GPATCH3: variants seen among roughly 807,000 people sequenced by gnomAD.
GPATCH3 encodes the protein G-patch domain containing 3.
In GPATCH3, 45 loss-of-function variants were observed where a neutral mutation model predicts 53.2. That is an observed-to-expected ratio of 0.85 (90% confidence interval 0.67 to 1.08). The LOEUF is 1.08. GPATCH3 is among the 50% of genes least tolerant of loss of function. GPATCH3 has a pLI of 0.00. For missense variants in GPATCH3, 680 were observed against 687.2 expected, an observed-to-expected ratio of 0.99 and a Z score of 0.12; for synonymous variants, 280 against 270.6, an observed-to-expected ratio of 1.03 and a Z score of -0.34.
chr1:26,893,798 C>T (rs1380154094), intron 3 of GPATCH3, among the ~76,000 whole-genome samples: 1 of 152,058 alleles, frequency 6.6e-6, no homozygotes, highest in Non-Finnish European at 1.5e-5. Flanking sequence ...GGATTACAGG[C>T]GTGAGCCACT....
At chr1:26,896,212 C>T (rs1163316359) in intron 2 of GPATCH3, among the ~76,000 whole-genome samples, 1 of 152,108 alleles carries the variant, frequency 6.6e-6, no homozygotes, top group Non-Finnish European at 1.5e-5. Flanking sequence ...CCAGCTCTAC[C>T]TCTATTTCCT....
chr1:26,900,213 A>C lies in GPATCH3; in HGVS notation c.230T>G (p.Leu77Arg), dbSNP rs781679776. The stretch of plus-strand genomic sequence containing the variant: ...ATCGGTGGCCGAAGTCTGAGAGAGA[A>C]GCTGGCCCTCAGCGGCTGGGTCGGT... ...IPTDPAAEGQLLSQTSATDVR... is the reference protein window; with the variant it reads ...IPTDPAAEGQRLSQTSATDVR... The change falls in exon 1 of 7, where the codon CTT becomes CGT. Residue 77 changes from leucine to arginine, a missense_variant. Transcript: ENST00000361720. 3 of 1,614,036 alleles carry C rather than the reference A, an allele frequency of 1.9e-6. No individual in the cohort carries two copies. The highest frequency in any genetic ancestry group is 2.5e-6 in the Non-Finnish European group (3 of 1,180,042).
chr1:26,896,141 G>A (rs1285982328), intron 2 of GPATCH3, among the ~76,000 whole-genome samples: 1 of 152,152 alleles, frequency 6.6e-6, no homozygotes, highest in African/African-American at 2.4e-5. Context: ...AGAGATGACT[G>A]TTCAGCCACA....
At chr1:26,895,086 C>T (rs1457137098) in intron 2 of GPATCH3, among the ~76,000 whole-genome samples, 1 of 152,188 alleles carries the variant, frequency 6.6e-6, no homozygotes, top group Non-Finnish European at 1.5e-5. Context: ...TCTTTCTCTT[C>T]AGGGAGATTT....
chr1:26,898,587 C>T (rs2081960668), intron 1 of GPATCH3, among the ~76,000 whole-genome samples: 1 of 151,988 alleles, frequency 6.6e-6, no homozygotes. Context: ...TCTCGGCTGT[C>T]ACCAACTCCC....
Position 26,897,733 on chromosome 1 carries a change from AGGAG to A in GPATCH3, c.452-12_452-9del. 3.1e-6 allele frequency: 5 copies of A among 1,594,796 alleles called. 1 individual carries two copies. In the South Asian group the frequency reaches 5.6e-5, roughly 18 times the overall value. ...AGGGAAAGGAGCCCAGACCTTGGAA[AGGAG>A]GGAGAATAGATCTTGAAACCCAGAA... On this transcript the variant is annotated splice_polypyrimidine_tract_variant and intron_variant, in intron 1 of 6. Coordinates refer to ENST00000361720, the MANE Select transcript of GPATCH3 (RefSeq NM_022078.3).
intron 2 of GPATCH3, among the ~76,000 whole-genome samples, chr1:26,895,542 AAG>A: frequency 6.7e-6 from 1 of 150,352 alleles, no homozygotes. Context: ...AAAAAAAAAA[AAG>A]GAAAGGAAGG....
intron 6 of GPATCH3, among the ~76,000 whole-genome samples, chr1:26,892,114 A>T (rs1013174026): frequency 6.6e-6 from 1 of 152,018 alleles, no homozygotes; most frequent in Non-Finnish European, 1.5e-5. Flanking sequence ...AAGTGTTGGG[A>T]TTACAGGCGT....
intron 3 of GPATCH3, 49 bp downstream of exon 3, chr1:26,894,187 A>C (rs769130467): frequency 1.2e-5 from 19 of 1,580,956 alleles, no homozygotes; most frequent in Middle Eastern, 3.4e-4. Context: ...GGAACCCCAA[A>C]AGAATGCAGC....
Position 26,900,121 on chromosome 1 carries a change from CCG to C in GPATCH3, c.320_321del (p.Ser107CysfsTer64), listed in dbSNP as rs2081968804. 6.2e-7 allele frequency: 1 copy of C among 1,614,096 alleles called. No individual in the cohort carries two copies. The highest frequency in any genetic ancestry group is 1.3e-5 in the African/African-American group (1 of 74,934). ...IQTRTCCCVI[S>X]VRGLAQAQRL... ...CTCTGAGCTTGAGCCAACCCCCTTA[CCG>C]AGATGACGCAGCAGCAGGTGCGGGT... On this transcript the variant is annotated frameshift_variant, in exon 1 of 7. Transcript: ENST00000361720. LOFTEE classifies it high-confidence loss of function.
chr1:26,892,570 G>C, intron 5 of GPATCH3, 32 bp from the exon 6 acceptor site: 1 of 1,606,168 alleles, frequency 6.2e-7, no homozygotes, highest in South Asian at 1.1e-5. Context: ...CTCAAGAAAT[G>C]GGGCTCCTGC....
rs142863754 is a variant in GPATCH3 at position 26,892,002 on chromosome 1, C to T, written c.1361+409G>A. On this transcript the variant is annotated intron_variant, in intron 6 of 6. Transcript: ENST00000361720. ...GATTACAGGCATGAGCCACTGCGCC[C>T]GGCTAATTTTTGTATTTTTAGTAGA... Among the ~76,000 whole-genome samples the T allele has an allele frequency of 1.4e-3, 215 of 151,932 alleles. 1 individual carries two copies. Among genetic ancestry groups the T allele is most frequent in the African/African-American group, 4.8e-3 (201 of 41,468 alleles).
chr1:26,890,831 G>A lies in GPATCH3; in HGVS notation c.*179C>T, dbSNP rs1407183948. 3 of 781,258 alleles carry A rather than the reference G, an allele frequency of 3.8e-6. No homozygotes were observed. Among genetic ancestry groups the A allele is most frequent in the Non-Finnish European group, 7.1e-6 (3 of 421,592 alleles). The allele number at this position is 781,258 out of a possible 1,614,324, so 48.4% of individuals were successfully genotyped here. A position where few individuals can be genotyped will look rare whatever the true frequency, so the allele number is the denominator to read the frequency against. On this transcript the variant is annotated 3_prime_UTR_variant, in exon 7 of 7. Transcript: ENST00000361720. ...AATATCCAAGGGGAGGGGACGGGAG[G>A]GGGCTTTTTGTAAAAATGCCCCTGA...
At position 26,894,223 on chromosome 1, in the gene GPATCH3, G is replaced by A; in HGVS notation, c.1051+13C>T. The A allele has an allele frequency of 6.2e-7, 1 of 1,612,532 alleles. No homozygotes were observed. On this transcript the variant is annotated intron_variant, in intron 3 of 6. Coordinates refer to ENST00000361720, the MANE Select transcript of GPATCH3 (RefSeq NM_022078.3). Reference sequence around the variant, plus strand: ...AGGGGTCACCCCTGCCTTTGCCTGGGTACCAGCATTACCTCCTTCTTCCTC... The same window carrying A: ...AGGGGTCACCCCTGCCTTTGCCTGGATACCAGCATTACCTCCTTCTTCCTC...
intron 6 of GPATCH3, 149 bp from the exon 7 acceptor site, chr1:26,891,375 T>TA: frequency 1.6e-6 from 1 of 637,070 alleles, no homozygotes; most frequent in Non-Finnish European, 2.7e-6. Flanking sequence ...CCCTCTTATC[T>TA]ATCCATTGAC....
At chr1:26,893,328 G>C in intron 4 of GPATCH3, 61 bp downstream of exon 4, 2 of 1,285,982 alleles carry the variant, frequency 1.6e-6, no homozygotes, top group Non-Finnish European at 2.3e-6. Flanking sequence ...CTCTGGTAAA[G>C]TGTCACTGCA....
At chr1:26,895,959 AC>A (rs1162018718) in intron 2 of GPATCH3, among the ~76,000 whole-genome samples, 5 of 152,216 alleles carry the variant, frequency 3.3e-5, no homozygotes, top group African/African-American at 1.2e-4. Context: ...TGGGTGAATT[AC>A]TTTTTACCCG....
At chr1:26,892,977 G>A in intron 4 of GPATCH3, 186 bp from the exon 5 acceptor site, 1 of 673,218 alleles carries the variant, frequency 1.5e-6, no homozygotes, top group Non-Finnish European at 2.5e-6. Flanking sequence ...TGAGAAGATT[G>A]TGGTGCAGAA....
In GPATCH3 at chr1:26,890,952, A is replaced by C; in HGVS notation, c.*58T>G. 2.7e-6 allele frequency: 4 copies of C among 1,481,870 alleles called. 1 individual carries two copies. In the South Asian group the frequency reaches 4.5e-5, roughly 17 times the overall value. 91.8% of individuals were successfully genotyped at this position (1,481,870 alleles called of 1,614,324 possible). On this transcript the variant is annotated 3_prime_UTR_variant, in exon 7 of 7. Coordinates refer to ENST00000361720, the MANE Select transcript of GPATCH3 (RefSeq NM_022078.3). Reference sequence around the variant, plus strand: ...AGACTCCTTTCTGCTTCAGTGGTAGATGAGGCCAGGGCAGAGGGTTTTCAT... The same window carrying C: ...AGACTCCTTTCTGCTTCAGTGGTAGCTGAGGCCAGGGCAGAGGGTTTTCAT...
Sources: allele counts gnomAD v4.1 joint callset (sites outside exome capture counted in the v4.1 genomes callset), GRCh38; gene constraint gnomAD v4.1.1; transcripts MANE v1.5; gene names NCBI Gene and HGNC (gene_info 2026-07-23, HGNC 2026-07-21).